Variants in UBE4B observed in about 807,000 individuals in gnomAD.
UBE4B encodes the protein ubiquitination factor E4B, also known as ubiquitin conjugation factor E4 B.
A neutral mutation model predicts 148.1 loss-of-function variants in UBE4B; 27 were observed. That is an observed-to-expected ratio of 0.18 (90% CI 0.13 to 0.25). The LOEUF (loss-of-function observed/expected upper bound fraction) is 0.25, where lower values mean the gene tolerates loss of function less well. UBE4B is among the 10% of genes least tolerant of loss of function. The pLI, the probability that UBE4B is intolerant of heterozygous loss-of-function variation, is 1.00. For missense variants in UBE4B, 1,170 were observed against 1,662.4 expected (o/e 0.70, Z 5.15); for synonymous variants, 596 against 619.3 (o/e 0.96, Z 0.56).
intron 1 of UBE4B, among the ~76,000 whole-genome samples, chr1:10,040,564 T>C (rs1643717631): frequency 6.6e-6 from 1 of 151,752 alleles, no homozygotes; most frequent in Admixed American, 6.6e-5. Context: ...TGAGTCCACA[T>C]GTAGACCCCC....
chr1:10,084,118 GCACTCTC>G (rs973929188), intron 2 of UBE4B, among the ~76,000 whole-genome samples: 12 of 152,108 alleles, frequency 7.9e-5, no homozygotes, highest in Admixed American at 3.3e-4. Flanking sequence ...CTGCCCAGTA[GCACTCTC>G]CCCACACAGT....
chr1:10,099,206 C>G (rs1452136949), intron 3 of UBE4B, among the ~76,000 whole-genome samples: 6 of 151,994 alleles, frequency 3.9e-5, no homozygotes, highest in Admixed American at 2.0e-4. Context: ...TGCACCACTG[C>G]ACTACAGCCT....
At chr1:10,177,266 T>G (rs1034046898) in intron 25 of UBE4B, among the ~76,000 whole-genome samples, 1 of 147,904 alleles carries the variant, frequency 6.8e-6, no homozygotes, top group Non-Finnish European at 1.5e-5. Context: ...ACGCCTGTAA[T>G]CCCACCACTT....
At chr1:10,033,953 T>C (rs1643403627) in intron 1 of UBE4B, among the ~76,000 whole-genome samples, 1 of 152,186 alleles carries the variant, frequency 6.6e-6, no homozygotes, top group African/African-American at 2.4e-5. Flanking sequence ...AGAGAGCATC[T>C]TGAGGTGTTT....
intron 5 of UBE4B, among the ~76,000 whole-genome samples, chr1:10,103,903 G>A (rs1645059246): frequency 6.6e-6 from 1 of 152,044 alleles, no homozygotes. Context: ...TGGGATTACA[G>A]GCATGAGCCA....
chr1:10,062,191 A>C (rs1039721994), intron 1 of UBE4B, among the ~76,000 whole-genome samples: 2 of 152,000 alleles, frequency 1.3e-5, no homozygotes, highest in African/African-American at 4.8e-5. Flanking sequence ...TACAGGCCTG[A>C]GCCACCACAC....
At chr1:10,163,888 G>A (rs891045092) in intron 23 of UBE4B, among the ~76,000 whole-genome samples, 13 of 150,922 alleles carry the variant, frequency 8.6e-5, no homozygotes, top group Non-Finnish European at 1.6e-4. Flanking sequence ...CACCACGTCC[G>A]GCTAATTTTT....
chr1:10,146,164 T>C (rs1320673241), intron 18 of UBE4B, among the ~76,000 whole-genome samples: 1 of 152,184 alleles, frequency 6.6e-6, no homozygotes, highest in Non-Finnish European at 1.5e-5. Flanking sequence ...TATAAACTGC[T>C]TAAATTGCCA....
chr1:10,117,794 A>T (rs1027788003), intron 8 of UBE4B, among the ~76,000 whole-genome samples, 194 bp downstream of exon 8: 2 of 152,202 alleles, frequency 1.3e-5, no homozygotes, highest in African/African-American at 2.4e-5. Flanking sequence ...TGGAACTCAC[A>T]TTCTAATAGA....
intron 22 of UBE4B, among the ~76,000 whole-genome samples, chr1:10,160,927 A>G (rs1241919502): frequency 1.3e-5 from 2 of 152,138 alleles, no homozygotes; most frequent in African/African-American, 2.4e-5. Context: ...TGGGCGACAG[A>G]GTGAGACCCT....
chr1:10,072,765 G>T (rs1644511270), intron 2 of UBE4B: 2 of 341,166 alleles, frequency 5.9e-6, no homozygotes, highest in Non-Finnish European at 1.1e-5. Context: ...GTTGGGAAAT[G>T]ATATTTCTCA....
intron 9 of UBE4B, among the ~76,000 whole-genome samples, chr1:10,120,149 C>G (rs1227092393): frequency 6.6e-6 from 1 of 152,082 alleles, no homozygotes; most frequent in African/African-American, 2.4e-5. Flanking sequence ...TCTCAGTCTT[C>G]TAAAGGTAGC....
intron 5 of UBE4B, chr1:10,103,327 TA>T: frequency 3.4e-6 from 1 of 292,684 alleles, no homozygotes; most frequent in Middle Eastern, 1.0e-3. Flanking sequence ...GTAAATAGGT[TA>T]ATGGTCTCCA....
chr1:10,057,957 G>C (rs545874168), intron 1 of UBE4B, among the ~76,000 whole-genome samples: 1 of 152,212 alleles, frequency 6.6e-6, no homozygotes, highest in Non-Finnish European at 1.5e-5. Context: ...GGAACAGCTG[G>C]ACTGTCGGAT....
intron 16 of UBE4B, among the ~76,000 whole-genome samples, chr1:10,136,739 G>A (rs1010103797): frequency 6.6e-6 from 1 of 151,986 alleles, no homozygotes; most frequent in African/African-American, 2.4e-5. Flanking sequence ...GAGCAACATG[G>A]TGAAACCTCG....
intron 4 of UBE4B, 138 bp from the exon 5 acceptor site, chr1:10,102,810 A>G: frequency 1.1e-6 from 1 of 880,572 alleles, no homozygotes; most frequent in South Asian, 2.1e-5. Context: ...TTTTCCCCTA[A>G]TCAGTGGGTG....
intron 25 of UBE4B, among the ~76,000 whole-genome samples, chr1:10,175,452 C>T (rs537512140): frequency 8.5e-4 from 129 of 151,490 alleles, no homozygotes; most frequent in Middle Eastern, 3.4e-3. Flanking sequence ...GAGATCGAGA[C>T]CGTCCTGGCT....
intron 25 of UBE4B, among the ~76,000 whole-genome samples, chr1:10,173,911 A>G (rs1013237920): frequency 4.6e-5 from 7 of 152,222 alleles, no homozygotes; most frequent in African/African-American, 1.7e-4. Flanking sequence ...GTGACCAACC[A>G]CACATTGCAT....
In UBE4B at chr1:10,147,089, G is replaced by A. The variant is rs747506937; in HGVS notation, c.2590G>A (p.Asp864Asn). Residue 864 changes from aspartate (D) to asparagine (N), a missense_variant and splice_region_variant, in exon 19 of 28, where the codon GAT becomes AAT. Transcript: ENST00000343090. ...LLRILDPAYP[D>N]ITLPLNSDVP... is the part of the protein sequence containing the mutation. ...CCGCATCCTGGACCCCGCATATCCC[G>A]AGTGAGTGTGCTTCTTCCTGTTTCC... The A allele has an allele frequency of 1.2e-5, 19 of 1,613,964 alleles. No individual in the cohort carries two copies. In the South Asian group the frequency reaches 1.9e-4, roughly 16 times the overall value.
Sources: gnomAD v4.1 joint callset for allele counts (sites outside exome capture counted in the v4.1 genomes callset) on GRCh38, gnomAD v4.1.1 for gene constraint, MANE v1.5 for transcripts, NCBI Gene and HGNC (gene_info 2026-07-23, HGNC 2026-07-21) for gene names.